CHRM3: variants seen among roughly 807,000 people sequenced by gnomAD.
CHRM3 encodes the protein cholinergic receptor muscarinic 3, also known as muscarinic acetylcholine receptor M3.
In CHRM3, 11 loss-of-function variants were observed where a neutral mutation model predicts 41.8. The ratio of observed to expected loss-of-function variants is 0.26; its 90% confidence interval spans 0.17 to 0.44. CHRM3 has a LOEUF of 0.44. Ranked by LOEUF, CHRM3 falls within the 20% of genes least tolerant of loss-of-function variation. The pLI is 1.00. For missense variants in CHRM3, 571 were observed against 745.4 expected (o/e 0.77, Z 2.72); for synonymous variants, 297 against 301.4 (o/e 0.99, Z 0.15).
rs149118875 is a variant in CHRM3, at chr1:239,496,183, A to G, written c.-422+3376A>G. Among the ~76,000 whole-genome samples the G allele has an allele frequency of 4.0e-3, 614 of 152,242 alleles. 4 individuals carry two copies. The highest frequency in any genetic ancestry group is 0.014 in the African/African-American group (594 of 41,554). On this transcript the variant is annotated intron_variant, in intron 2 of 6. Coordinates refer to ENST00000676153, the MANE Select transcript of CHRM3 (RefSeq NM_001375978.1). ...GCAGAAATGATTGAGGGGGCAAACC[A>G]GATGAACATGGCATAATGGTATCAT... is the stretch of plus-strand genomic sequence containing the variant.
intron 6 of CHRM3, among the ~76,000 whole-genome samples, chr1:239,835,553 A>G (rs936910371): frequency 6.6e-6 from 1 of 152,234 alleles, no homozygotes; most frequent in Admixed American, 6.5e-5. Context: ...GCTAAGAGAT[A>G]GAGACTGATA....
chr1:239,399,995 C>T (rs902857103), intron 1 of CHRM3, among the ~76,000 whole-genome samples: 1 of 152,116 alleles, frequency 6.6e-6, no homozygotes, highest in African/African-American at 2.4e-5. Flanking sequence ...TCACTGCAAC[C>T]TCGGTCTTCT....
rs139009806 is a variant in CHRM3, at chr1:239,908,510, C to T, written c.1059C>T (p.Asp353=). ...AASLENSASS[D]EEDIGSETRA... is the part of the protein sequence containing the mutation. ...CCCTGGAGAACTCCGCCTCCTCCGA[C>T]GAGGAGGACATTGGCTCCGAGACGA... The change falls in exon 7 of 7, where the codon GAC becomes GAT. Residue 353 remains aspartate, a synonymous_variant. Transcript: ENST00000676153. The surrounding 1 kb of genome is among the most constrained non-coding windows in gnomAD (Gnocchi z 7.2). 2,576 of 1,598,936 alleles carry T rather than the reference C, an allele frequency of 1.6e-3. 2 individuals are homozygous for T. The highest frequency in any genetic ancestry group is 2.6e-3 in the Admixed American group (149 of 58,044).
intron 5 of CHRM3, among the ~76,000 whole-genome samples, chr1:239,739,777 T>C (rs1016557798): frequency 2.0e-5 from 3 of 152,192 alleles, no homozygotes; most frequent in African/African-American, 7.2e-5. Flanking sequence ...ACTTAGTGTC[T>C]GTTTTCTTTA....
At chr1:239,423,249 G>C (rs1662100191) in intron 1 of CHRM3, among the ~76,000 whole-genome samples, 1 of 152,114 alleles carries the variant, frequency 6.6e-6, no homozygotes, top group African/African-American at 2.4e-5. Context: ...ATGTACAGCA[G>C]GTGTGCAATG....
chr1:239,724,821 C>T (rs1429991271), intron 5 of CHRM3, among the ~76,000 whole-genome samples: 2 of 151,876 alleles, frequency 1.3e-5, no homozygotes, highest in Admixed American at 1.3e-4. Context: ...CTGGCCCCCA[C>T]ATCTAATCAA....
chr1:239,858,811 A>G (rs563818523), intron 6 of CHRM3, among the ~76,000 whole-genome samples: 2 of 152,252 alleles, frequency 1.3e-5, no homozygotes, highest in Non-Finnish European at 2.9e-5. Context: ...TTCTGTGTCT[A>G]TGGATTTGCA....
chr1:239,649,922 A>C (rs1483101548), intron 4 of CHRM3, among the ~76,000 whole-genome samples: 1 of 152,336 alleles, frequency 6.6e-6, no homozygotes, highest in Non-Finnish European at 1.5e-5. Flanking sequence ...AATTAAAATA[A>C]GTTAAATATT....
chr1:239,488,564 A>T (rs1241961117), intron 1 of CHRM3, among the ~76,000 whole-genome samples: 1 of 151,694 alleles, frequency 6.6e-6, no homozygotes. Flanking sequence ...AAATGCAAAA[A>T]ATTAGCTGTG....
At chr1:239,890,407 C>T (rs1011141250) in intron 6 of CHRM3, among the ~76,000 whole-genome samples, 24 of 152,110 alleles carry the variant, frequency 1.6e-4, no homozygotes, top group African/African-American at 5.3e-4. Context: ...CATACACAGT[C>T]CATTTCCTAG....
intron 5 of CHRM3, among the ~76,000 whole-genome samples, chr1:239,745,879 TTCTTA>T (rs1254528178): frequency 6.6e-6 from 1 of 152,156 alleles, no homozygotes; most frequent in Non-Finnish European, 1.5e-5. Context: ...TTGAAGGAGT[TTCTTA>T]TCTTGACAAC....
At chr1:239,667,019 G>A (rs142342053) in intron 4 of CHRM3, among the ~76,000 whole-genome samples, 34 of 152,220 alleles carry the variant, frequency 2.2e-4, no homozygotes, top group African/African-American at 8.2e-4. Flanking sequence ...TTATGGCTGC[G>A]TGACACTCTT....
intron 4 of CHRM3, among the ~76,000 whole-genome samples, chr1:239,638,656 G>A (rs1019900387): frequency 2.6e-5 from 4 of 152,144 alleles, no homozygotes; most frequent in African/African-American, 4.8e-5. Flanking sequence ...GTAGATTCTG[G>A]ATATTAGCCC....
intron 1 of CHRM3, among the ~76,000 whole-genome samples, chr1:239,478,955 G>C: frequency 6.6e-6 from 1 of 152,114 alleles, no homozygotes; most frequent in Non-Finnish European, 1.5e-5. Context: ...GGCTGAGGCG[G>C]GTAGATCACT....
chr1:239,549,084 TC>T (rs758538733), intron 3 of CHRM3, among the ~76,000 whole-genome samples: 35 of 151,920 alleles, frequency 2.3e-4, no homozygotes, highest in Non-Finnish European at 5.1e-4. Flanking sequence ...GCAGGGGAAC[TC>T]CCCCTTATAG....
At chr1:239,704,175 A>G (rs986407310) in intron 5 of CHRM3, 1 of 152,218 alleles carries the variant, frequency 6.6e-6, no homozygotes, top group African/African-American at 2.4e-5. Context: ...CACAAAGAAC[A>G]TTGAAGATAA....
chr1:239,674,204 G>C (rs1445523053), intron 4 of CHRM3, among the ~76,000 whole-genome samples: 1 of 152,088 alleles, frequency 6.6e-6, no homozygotes, highest in Non-Finnish European at 1.5e-5. Flanking sequence ...TTGTGAGTGG[G>C]ATTACTAGGT....
intron 4 of CHRM3, among the ~76,000 whole-genome samples, chr1:239,645,142 G>A (rs1363758875): frequency 2.0e-5 from 3 of 152,186 alleles, no homozygotes; most frequent in Non-Finnish European, 4.4e-5. Context: ...AAGAGCAGCA[G>A]GAGCCAAGTG....
Position 239,912,377 on chromosome 1 carries a change from C to T in CHRM3, c.*3153C>T, listed in dbSNP as rs2103068433. ...GCCTCTTAAGCCCAGCCTTGACTCT[C>T]TACATATTTTTCATTTCTCTTTACC... On this transcript the variant is annotated 3_prime_UTR_variant, in exon 7 of 7. Coordinates refer to ENST00000676153, the MANE Select transcript of CHRM3 (RefSeq NM_001375978.1). 6.0e-6 allele frequency: 1 copy of T among 167,258 alleles called. No individual in the cohort carries two copies. The highest frequency in any genetic ancestry group is 1.9e-4 in the East Asian group (1 of 5,176). The allele number at this position is 167,258 out of a possible 1,614,324, so 10.4% of individuals were successfully genotyped here. A position where few individuals can be genotyped will look rare whatever the true frequency, so the allele number is the denominator to read the frequency against.
Sources: gnomAD v4.1 joint callset for allele counts (sites outside exome capture counted in the v4.1 genomes callset) on GRCh38, gnomAD v4.1.1 for gene constraint, Gnocchi (gnomAD v3.1) non-coding constraint, MANE v1.5 for transcripts, NCBI Gene and HGNC (gene_info 2026-07-23, HGNC 2026-07-21) for gene names.